The following CELSR1 variants were observed in gnomAD, a reference collection of about 807,000 sequenced individuals.
CELSR1 encodes cadherin EGF LAG seven-pass G-type receptor 1, also known as adhesion G protein-coupled receptor C1.
A neutral mutation model predicts 249.1 loss-of-function variants in CELSR1; 110 were observed. The observed-to-expected ratio is 0.44, with a 90% CI of 0.38 to 0.52. The LOEUF is 0.52. Ranked by LOEUF, CELSR1 falls within the 20% of genes least tolerant of loss-of-function variation. CELSR1 has a pLI of 0.00. For synonymous variants in CELSR1, 2,113 were observed against 1,900.0 expected, an observed-to-expected ratio of 1.11 and a Z score of -2.92; for missense variants, 4,109 against 4,296.4, an observed-to-expected ratio of 0.96 and a Z score of 1.22.
intron 25 of CELSR1, 166 bp from the exon 26 acceptor site, chr22:46,369,970 C>A: frequency 2.9e-6 from 2 of 684,316 alleles, no homozygotes; most frequent in Non-Finnish European, 2.7e-6. Flanking sequence ...CAAGCACAGT[C>A]TCTCCGTGTA....
chr22:46,521,855 G>C (rs902096085), intron 1 of CELSR1, among the ~76,000 whole-genome samples: 3 of 152,172 alleles, frequency 2.0e-5, no homozygotes, highest in African/African-American at 4.8e-5. Context: ...TTTTGAATTA[G>C]AGCATACCCA....
In CELSR1 at chr22:46,365,194, A is replaced by C. The variant is rs762738034; in HGVS notation, c.8554+37T>G. 23 of 1,598,454 alleles carry C rather than the reference A, an allele frequency of 1.4e-5. No homozygotes were observed. The African/African-American group carries it at 2.7e-4, about 19-fold the overall frequency. On this transcript the variant is annotated intron_variant, in intron 32 of 34. Coordinates refer to ENST00000674500, the MANE Select transcript of CELSR1 (RefSeq NM_001378328.1). Reference sequence around the variant, plus strand: ...AAGGCCTGCCCCGAGCCCGCTGTCCACAGCCCAGCCTGGCCCAATGTGCCC... The same window carrying C: ...AAGGCCTGCCCCGAGCCCGCTGTCCCCAGCCCAGCCTGGCCCAATGTGCCC...
In CELSR1 at chr22:46,448,308, G is replaced by A. The variant is rs1007626869; in HGVS notation, c.4184-8897C>T. ...GGGGGTGGGGGCAGAGGGCCCACGCGAGGGGATGCTGATGTGAACCCCTGG... is the reference window on the plus strand; with the variant it reads ...GGGGGTGGGGGCAGAGGGCCCACGCAAGGGGATGCTGATGTGAACCCCTGG... On this transcript the variant is annotated intron_variant, in intron 2 of 34. Coordinates refer to ENST00000674500, the MANE Select transcript of CELSR1 (RefSeq NM_001378328.1). The surrounding 1 kb of genome is among the most constrained non-coding windows in gnomAD (Gnocchi z 5.7). 6.6e-5 allele frequency among the ~76,000 whole-genome samples: 10 copies of A among 152,288 alleles called. No homozygotes were observed. Among genetic ancestry groups the A allele is most frequent in the African/African-American group, 2.2e-4 (9 of 41,560 alleles).
rs2080360431 is a variant in CELSR1, at chr22:46,490,824, T to C, written c.3545-26479A>G. ...ATCGAGCACCCAGCTGGCCTGGGGC[T>C]GCTGCACGTGCCGCACCCTGATCCT... On this transcript the variant is annotated intron_variant, in intron 1 of 34. Transcript: ENST00000674500. This position sits in a 1 kb window ranked among gnomAD's most constrained non-coding sequence, Gnocchi z 5.2. Among the ~76,000 whole-genome samples the C allele has an allele frequency of 6.6e-6, 1 of 152,170 alleles. No homozygotes were observed. Among genetic ancestry groups the C allele is most frequent in the African/African-American group, 2.4e-5 (1 of 41,430 alleles).
rs371427941 is a variant in CELSR1 at position 46,412,895 on chromosome 22, G to A, written c.4612-1136C>T. Among the ~76,000 whole-genome samples the A allele has an allele frequency of 5.9e-5, 9 of 152,310 alleles. No homozygotes were observed. The highest frequency in any genetic ancestry group is 2.2e-4 in the African/African-American group (9 of 41,564). On this transcript the variant is annotated intron_variant, in intron 5 of 34. Transcript: ENST00000674500. The surrounding 1 kb of genome is among the most constrained non-coding windows in gnomAD (Gnocchi z 4.5). ...ATCCCACAGGTGGCCGTGACGATGA[G>A]CCAGGAGATCGCCAGGCAAGTGCCA... is the stretch of plus-strand genomic sequence containing the variant.
intron 25 of CELSR1, 197 bp from the exon 26 acceptor site, chr22:46,370,001 C>T (rs1569107939): frequency 1.5e-6 from 1 of 658,088 alleles, no homozygotes. Flanking sequence ...CTCACTGGCC[C>T]AGGTGGCAGG....
chr22:46,483,641 C>T (rs2080288540), intron 1 of CELSR1, among the ~76,000 whole-genome samples: 1 of 152,042 alleles, frequency 6.6e-6, no homozygotes, highest in Admixed American at 6.6e-5. Flanking sequence ...GTCTTTGCTC[C>T]CATTATCTGC....
At chr22:46,460,211 A>ACCCC (rs200173937) in intron 2 of CELSR1, among the ~76,000 whole-genome samples, 10,801 of 148,942 alleles carry the variant, frequency 0.073, 706 homozygotes, top group African/African-American at 0.15. Context: ...ACACACACAC[A>ACCCC]CACACCCATT....
intron 19 of CELSR1, among the ~76,000 whole-genome samples, chr22:46,385,465 G>C (rs11090870): frequency 4.3e-4 from 65 of 152,044 alleles, no homozygotes; most frequent in African/African-American, 1.5e-3. Flanking sequence ...CCTGTCTACA[G>C]TGAGCCTGGA....
At chr22:46,416,875 A>C (rs1037363037) in intron 5 of CELSR1, among the ~76,000 whole-genome samples, 1 of 151,220 alleles carries the variant, frequency 6.6e-6, no homozygotes, top group Non-Finnish European at 1.5e-5. Context: ...CGAAGTGCTC[A>C]CATTTCTCCA....
At chr22:46,476,403 C>A (rs932312292) in intron 1 of CELSR1, among the ~76,000 whole-genome samples, 10 of 152,068 alleles carry the variant, frequency 6.6e-5, no homozygotes, top group Non-Finnish European at 1.2e-4. Flanking sequence ...CGAGACCAGC[C>A]TGGGCAACAT....
At chr22:46,420,089 C>T (rs750916316) in intron 5 of CELSR1, among the ~76,000 whole-genome samples, 1 of 151,878 alleles carries the variant, frequency 6.6e-6, no homozygotes, top group Non-Finnish European at 1.5e-5. Context: ...CATGTGCACA[C>T]CTACCCACAC....
Position 46,391,185 on chromosome 22 carries a change from C to T in CELSR1, c.6250+1G>A. 1 of 1,611,904 alleles carries T rather than the reference C, an allele frequency of 6.2e-7. No individual in the cohort carries two copies. Among genetic ancestry groups the T allele is most frequent in the Non-Finnish European group, 8.5e-7 (1 of 1,179,296 alleles). On this transcript the variant is annotated splice_donor_variant, in intron 16 of 34. Coordinates refer to ENST00000674500, the MANE Select transcript of CELSR1 (RefSeq NM_001378328.1). LOFTEE classifies it high-confidence loss of function. The surrounding 1 kb of genome is among the most constrained non-coding windows in gnomAD (Gnocchi z 4.3). Reference sequence around the variant, plus strand: ...CCTACACACAGGCCACGGCGACTCACCAACGGATCCCTTAGGGCATGGCAC... The same window carrying T: ...CCTACACACAGGCCACGGCGACTCATCAACGGATCCCTTAGGGCATGGCAC...
At chr22:46,516,023 T>C (rs575802777) in intron 1 of CELSR1, among the ~76,000 whole-genome samples, 2 of 152,330 alleles carry the variant, frequency 1.3e-5, no homozygotes, top group East Asian at 1.9e-4. Flanking sequence ...TGCAAACTAG[T>C]TGAACCATTG....
chr22:46,476,762 A>G (rs1300002326), intron 1 of CELSR1, among the ~76,000 whole-genome samples: 1 of 152,104 alleles, frequency 6.6e-6, no homozygotes, highest in Non-Finnish European at 1.5e-5. Context: ...CTGGTTGCCA[A>G]GCGCAAGGGG....
intron 19 of CELSR1, among the ~76,000 whole-genome samples, chr22:46,385,225 T>A (rs2079019717): frequency 6.6e-6 from 1 of 152,208 alleles, no homozygotes; most frequent in African/African-American, 2.4e-5. Context: ...CTCAAGTAGC[T>A]GGGAATACAG....
rs968101931 is a variant in CELSR1 at position 46,446,140 on chromosome 22, A to C, written c.4184-6729T>G. On this transcript the variant is annotated intron_variant, in intron 2 of 34. Transcript: ENST00000674500. The surrounding 1 kb of genome is among the most constrained non-coding windows in gnomAD (Gnocchi z 5.5). The stretch of plus-strand genomic sequence containing the variant: ...CAGCCACACACCCAGCCCCCTCCAC[A>C]CCATACTCACGAGCCTGTGCCGGCC... 1.3e-5 allele frequency among the ~76,000 whole-genome samples: 2 copies of C among 151,210 alleles called. No individual in the cohort carries two copies. The highest frequency in any genetic ancestry group is 6.6e-5 in the Admixed American group (1 of 15,192).
At chr22:46,422,882 G>C (rs776835044) in intron 5 of CELSR1, among the ~76,000 whole-genome samples, 10 of 152,058 alleles carry the variant, frequency 6.6e-5, no homozygotes, top group Non-Finnish European at 1.0e-4. Flanking sequence ...AAAGGAACAC[G>C]AAATCCACCT....
At chr22:46,422,252 C>G (rs1187982766) in intron 5 of CELSR1, among the ~76,000 whole-genome samples, 1 of 151,922 alleles carries the variant, frequency 6.6e-6, no homozygotes, top group Non-Finnish European at 1.5e-5. Flanking sequence ...ATTATGGGCA[C>G]CTGCCACCAC....
Sources: gnomAD v4.1 joint callset for allele counts (sites outside exome capture counted in the v4.1 genomes callset) on GRCh38, gnomAD v4.1.1 for gene constraint, Gnocchi (gnomAD v3.1) non-coding constraint, MANE v1.5 for transcripts, NCBI Gene and HGNC (gene_info 2026-07-23, HGNC 2026-07-21) for gene names.